Variants in SLC14A2 observed in about 807,000 individuals in gnomAD.
The protein encoded by SLC14A2 is solute carrier family 14 member 2.
In SLC14A2, 91 loss-of-function variants were observed where a neutral mutation model predicts 104.6. The ratio of observed to expected loss-of-function variants is 0.87; its 90% CI spans 0.73 to 1.04. The LOEUF is 1.04. Ranked by LOEUF, SLC14A2 falls within the 50% of genes least tolerant of loss-of-function variation. SLC14A2 has a pLI of 0.00. For synonymous variants in SLC14A2, 476 were observed against 466.4 expected, an observed-to-expected ratio of 1.02 and a Z score of -0.27; for missense variants, 1,189 against 1,156.0, an observed-to-expected ratio of 1.03 and a Z score of -0.41.
intron 2 of SLC14A2, among the ~76,000 whole-genome samples, chr18:45,571,791 C>A (rs1237145847): frequency 2.0e-5 from 3 of 152,138 alleles, no homozygotes; most frequent in Non-Finnish European, 2.9e-5. Context: ...GAAGAGCCAC[C>A]AAAAATCAGA....
intron 6 of SLC14A2, among the ~76,000 whole-genome samples, chr18:45,638,209 T>C (rs974344877): frequency 1.4e-4 from 21 of 152,194 alleles, no homozygotes; most frequent in Non-Finnish European, 4.4e-5. Flanking sequence ...AGTTCCCTGG[T>C]CTGGTACAAA....
intron 1 of SLC14A2, among the ~76,000 whole-genome samples, chr18:45,214,626 G>C (rs958801420): frequency 6.6e-6 from 1 of 152,036 alleles, no homozygotes; most frequent in Non-Finnish European, 1.5e-5. Flanking sequence ...GTTAGATGTT[G>C]GGGCAGGGAA....
intron 18 of SLC14A2, among the ~76,000 whole-genome samples, chr18:45,676,317 G>A (rs565745884): frequency 6.6e-6 from 1 of 152,284 alleles, no homozygotes; most frequent in East Asian, 1.9e-4. Flanking sequence ...CCGGTGGGGA[G>A]GTGGCTGCGT....
intron 1 of SLC14A2, among the ~76,000 whole-genome samples, chr18:45,235,479 A>G (rs1033394574): frequency 4.6e-5 from 7 of 152,100 alleles, no homozygotes; most frequent in Non-Finnish European, 1.0e-4. Context: ...GTTGTTAACT[A>G]CAGTCACCCT....
At chr18:45,303,024 A>AT (rs1160048049) in intron 1 of SLC14A2, among the ~76,000 whole-genome samples, 4 of 152,096 alleles carry the variant, frequency 2.6e-5, no homozygotes, top group Admixed American at 6.6e-5. Flanking sequence ...TTTAAAAAAA[A>AT]GAAAAGAAAA....
At chr18:45,434,826 C>T (rs972639491) in intron 1 of SLC14A2, among the ~76,000 whole-genome samples, 1 of 152,054 alleles carries the variant, frequency 6.6e-6, no homozygotes, top group African/African-American at 2.4e-5. Context: ...AAGCAAATTG[C>T]CACCTACTTG....
intron 1 of SLC14A2, among the ~76,000 whole-genome samples, chr18:45,303,851 T>A (rs2144197117): frequency 6.6e-6 from 1 of 152,302 alleles, no homozygotes; most frequent in South Asian, 2.1e-4. Context: ...GGAACACTAA[T>A]ATTAGAGTGA....
At chr18:45,370,574 G>A (rs929494636) in intron 1 of SLC14A2, among the ~76,000 whole-genome samples, 11 of 152,262 alleles carry the variant, frequency 7.2e-5, no homozygotes, top group African/African-American at 2.6e-4. Flanking sequence ...TTCCAGATAC[G>A]GACATGACAG....
intron 1 of SLC14A2, among the ~76,000 whole-genome samples, chr18:45,376,836 T>G (rs538300617): frequency 3.9e-5 from 6 of 152,352 alleles, no homozygotes; most frequent in Admixed American, 1.3e-4. Flanking sequence ...AATGGATACT[T>G]TATAACGACA....
chr18:45,652,795 C>T (rs1158905105), intron 10 of SLC14A2, among the ~76,000 whole-genome samples: 1 of 152,124 alleles, frequency 6.6e-6, no homozygotes, highest in Non-Finnish European at 1.5e-5. Flanking sequence ...TGGCCTTCTG[C>T]TTTCCAAGGC....
intron 1 of SLC14A2, among the ~76,000 whole-genome samples, chr18:45,448,383 A>T (rs1362836): frequency 0.53 from 80,258 of 152,034 alleles, 22,584 homozygotes; most frequent in South Asian, 0.68. Context: ...AAAGAAGGTT[A>T]ATTAATAATA....
At chr18:45,218,870 T>C (rs1446382636) in intron 1 of SLC14A2, among the ~76,000 whole-genome samples, 1 of 151,022 alleles carries the variant, frequency 6.6e-6, no homozygotes, top group Non-Finnish European at 1.5e-5. Context: ...CCACATGCAC[T>C]AAATCTCTGA....
chr18:45,410,394 G>A (rs1161103806), intron 1 of SLC14A2, among the ~76,000 whole-genome samples: 4 of 152,082 alleles, frequency 2.6e-5, no homozygotes, highest in East Asian at 3.9e-4. Context: ...AATCTATGAG[G>A]TGCATTATCA....
chr18:45,464,414 T>C (rs981636571), intron 1 of SLC14A2, among the ~76,000 whole-genome samples: 3 of 152,200 alleles, frequency 2.0e-5, no homozygotes, highest in East Asian at 1.9e-4. Context: ...CCTATAAATG[T>C]AAGGTCAGCT....
intron 2 of SLC14A2, among the ~76,000 whole-genome samples, chr18:45,499,666 T>C (rs2043159467): frequency 6.6e-6 from 1 of 152,224 alleles, no homozygotes; most frequent in East Asian, 1.9e-4. Context: ...TTGATCAATA[T>C]CCTTGGAGCT....
chr18:45,677,363 C>T (rs2046243447), intron 18 of SLC14A2, among the ~76,000 whole-genome samples: 1 of 152,234 alleles, frequency 6.6e-6, no homozygotes, highest in Admixed American at 6.5e-5. Context: ...GGCCATCTGG[C>T]TCCCCTCTAT....
chr18:45,488,386 G>A (rs1241754789), intron 2 of SLC14A2, among the ~76,000 whole-genome samples: 2 of 152,188 alleles, frequency 1.3e-5, no homozygotes, highest in East Asian at 1.9e-4. Flanking sequence ...GCAGGGCAGG[G>A]CAGGACAGGT....
intron 1 of SLC14A2, among the ~76,000 whole-genome samples, chr18:45,443,509 C>T (rs2086714613): frequency 1.3e-5 from 2 of 151,606 alleles, no homozygotes; most frequent in Admixed American, 1.3e-4. Flanking sequence ...GTCTTATGAC[C>T]TACAGTCAAA....
At chr18:45,626,476 C>T (rs2045258678) in intron 3 of SLC14A2, among the ~76,000 whole-genome samples, 1 of 152,190 alleles carries the variant, frequency 6.6e-6, no homozygotes, top group African/African-American at 2.4e-5. Context: ...TACTGATTTT[C>T]ACAGCTGGGC....
Sources: allele counts gnomAD v4.1 joint callset (sites outside exome capture counted in the v4.1 genomes callset), GRCh38; gene constraint gnomAD v4.1.1; transcripts MANE v1.5; gene names NCBI Gene and HGNC (gene_info 2026-07-23, HGNC 2026-07-21).